Variants in PCLO observed in about 807,000 individuals in gnomAD.
The protein encoded by PCLO is piccolo presynaptic cytomatrix protein.
PCLO carries 82 observed loss-of-function variants against 427.5 expected under a neutral mutation model. The ratio of observed to expected loss-of-function variants is 0.19; its 90% CI spans 0.16 to 0.23. The LOEUF (loss-of-function observed/expected upper bound fraction) is 0.23. Ranked by LOEUF, PCLO falls within the 10% of genes least tolerant of loss-of-function variation. The probability of loss-of-function intolerance (pLI) is 1.00; values close to 1 mark genes in which losing one functional copy is unlikely to be tolerated. For missense variants in PCLO, 6,239 were observed against 6,115.9 expected (o/e 1.02, Z -0.67); for synonymous variants, 2,357 against 2,155.4 (o/e 1.09, Z -2.59).
chr7:82,902,586 AT>A (rs1297245769), intron 9 of PCLO, 64 bp downstream of exon 9: 2 of 890,424 alleles, frequency 2.2e-6, no homozygotes, highest in African/African-American at 1.7e-5. Flanking sequence ...TAATAAAAAA[AT>A]GCAAAACAAA....
At chr7:83,016,022 G>T (rs1788197693) in intron 3 of PCLO, among the ~76,000 whole-genome samples, 1 of 152,042 alleles carries the variant, frequency 6.6e-6, no homozygotes, top group Non-Finnish European at 1.5e-5. Context: ...TCAAGCACCA[G>T]CTCCTGAATT....
intron 3 of PCLO, among the ~76,000 whole-genome samples, chr7:83,044,604 C>T (rs1789060588): frequency 6.6e-6 from 1 of 151,968 alleles, no homozygotes; most frequent in South Asian, 2.1e-4. Context: ...TATGAACCTG[C>T]TATACCTAAT....
intron 22 of PCLO, among the ~76,000 whole-genome samples, chr7:82,773,808 A>C (rs1041569141): frequency 1.3e-5 from 2 of 151,898 alleles, no homozygotes; most frequent in African/African-American, 4.8e-5. Flanking sequence ...TATGAACTTC[A>C]TCACCTGGGT....
chr7:83,001,505 A>AACACCC (rs10643233), intron 3 of PCLO, among the ~76,000 whole-genome samples: 1,526 of 149,138 alleles, frequency 0.01, 32 homozygotes, highest in African/African-American at 0.034. Context: ...CACACATACA[A>AACACCC]ACACACACAC....
At chr7:82,996,719 A>C (rs536992423) in intron 3 of PCLO, among the ~76,000 whole-genome samples, 324 of 152,012 alleles carry the variant, frequency 2.1e-3, no homozygotes, top group South Asian at 2.1e-3. Context: ...CCCATCCTTC[A>C]AACAACAGGT....
At chr7:82,875,109 A>T (rs1793338270) in intron 10 of PCLO, among the ~76,000 whole-genome samples, 1 of 152,166 alleles carries the variant, frequency 6.6e-6, no homozygotes, top group East Asian at 1.9e-4. Context: ...TTGTGGTAGG[A>T]ATGTTTACTA....
At chr7:82,886,495 G>A (rs1323510400) in intron 9 of PCLO, among the ~76,000 whole-genome samples, 1 of 151,986 alleles carries the variant, frequency 6.6e-6, no homozygotes, top group Non-Finnish European at 1.5e-5. Flanking sequence ...ATTTTGGAGG[G>A]AGTTGAAAAT....
chr7:83,124,159 A>G (rs1305981335), intron 3 of PCLO, among the ~76,000 whole-genome samples: 1 of 151,472 alleles, frequency 6.6e-6, no homozygotes, highest in Non-Finnish European at 1.5e-5. Context: ...AAATACAAAA[A>G]AAAAAAAATT....
intron 2 of PCLO, among the ~76,000 whole-genome samples, chr7:83,146,215 A>C (rs540563287): frequency 1.3e-5 from 2 of 152,324 alleles, no homozygotes; most frequent in East Asian, 3.9e-4. Flanking sequence ...TCCTTATCAA[A>C]GGTAACAAGA....
intron 22 of PCLO, among the ~76,000 whole-genome samples, chr7:82,780,197 C>T (rs1299078778): frequency 6.6e-6 from 1 of 152,112 alleles, no homozygotes; most frequent in Non-Finnish European, 1.5e-5. Context: ...TCTTACTTGT[C>T]CATATATGGG....
At position 82,827,828 on chromosome 7, in the gene PCLO, C is replaced by T. The variant is rs17156728; in HGVS notation, c.14343+45G>A. On this transcript the variant is annotated intron_variant, in intron 17 of 24. Transcript: ENST00000333891. ...TTTGAATAATTGTGTTATCACTGTA[C>T]TTATATTAGCCTAATTCTGTCACCT... 4,464 of 1,065,732 alleles carry T rather than the reference C, an allele frequency of 4.2e-3. 136 individuals carry two copies. The African/African-American group carries it at 0.062, about 15-fold the overall frequency. The allele number at this position is 1,065,732 out of a possible 1,614,324, so 66.0% of individuals were successfully genotyped here. A position where few individuals can be genotyped will look rare whatever the true frequency, so the allele number is the denominator to read the frequency against.
At chr7:82,851,984 C>T (rs775484187) in intron 10 of PCLO, among the ~76,000 whole-genome samples, 19 of 151,116 alleles carry the variant, frequency 1.3e-4, no homozygotes, top group Non-Finnish European at 2.2e-4. Flanking sequence ...CAATTTTGAT[C>T]TATTTATATA....
intron 13 of PCLO, among the ~76,000 whole-genome samples, chr7:82,841,909 G>A (rs1218846360): frequency 6.6e-6 from 1 of 152,060 alleles, no homozygotes; most frequent in African/African-American, 2.4e-5. Flanking sequence ...GAGCACAGAA[G>A]GTAGAAAAGT....
At chr7:82,847,087 A>G (rs1792522950) in intron 11 of PCLO, 52 bp downstream of exon 11, 1 of 910,562 alleles carries the variant, frequency 1.1e-6, no homozygotes, top group Admixed American at 2.3e-5. Context: ...TTTAAATTAA[A>G]AGAGTCATGG....
chr7:82,961,137 T>C (rs1279511990), intron 4 of PCLO, among the ~76,000 whole-genome samples: 1 of 152,206 alleles, frequency 6.6e-6, no homozygotes, highest in Non-Finnish European at 1.5e-5. Context: ...TTAAGAGTAT[T>C]GTTTTGACTG....
At chr7:82,917,391 T>C (rs1584150540) in intron 6 of PCLO, among the ~76,000 whole-genome samples, 1 of 152,244 alleles carries the variant, frequency 6.6e-6, no homozygotes, top group East Asian at 1.9e-4. Flanking sequence ...TTTGGTTTTC[T>C]TTGACTTTAT....
In PCLO at chr7:83,086,142, C is replaced by T. The variant is rs146152847; in HGVS notation, c.3300+48108G>A. Among the ~76,000 whole-genome samples the T allele has an allele frequency of 2.5e-3, 356 of 144,376 alleles. 11 individuals carry two copies. In the East Asian group the frequency reaches 0.059, roughly 24 times the overall value. The allele number at this position is 144,376 out of a possible 152,430, so 94.7% of individuals were successfully genotyped here. ...CTTTTTTTTTTGAGACGGAGTCTTG[C>T]GCTGTCGCCCAGGCTGGAGTGCAAT... On this transcript the variant is annotated intron_variant, in intron 3 of 24. Coordinates refer to ENST00000333891, the MANE Select transcript of PCLO (RefSeq NM_033026.6).
chr7:82,915,437 T>A lies in PCLO; in HGVS notation c.12549A>T (p.Ile4183=), dbSNP rs1402773594. The change falls in exon 7 of 25, where the codon ATA becomes ATT. Residue 4183 remains isoleucine (I), a synonymous_variant. Transcript: ENST00000333891. ...KQAAKQLPAA[I]LYQKQSKHKK... is the part of the protein sequence containing the mutation. ...TATGCTTTGACTGCTTTTGATAAAGTATGGCTGCTGGCAGTTGTTTTGCTG... is the reference window on the plus strand; with the variant it reads ...TATGCTTTGACTGCTTTTGATAAAGAATGGCTGCTGGCAGTTGTTTTGCTG... 2.5e-6 allele frequency: 4 copies of A among 1,613,600 alleles called. No individual in the cohort carries two copies. The highest frequency in any genetic ancestry group is 3.3e-5 in the Admixed American group (2 of 59,970).
At chr7:82,982,867 T>TC (rs1426407661) in intron 3 of PCLO, among the ~76,000 whole-genome samples, 6 of 151,886 alleles carry the variant, frequency 4.0e-5, no homozygotes, top group African/African-American at 1.4e-4. Context: ...ACCTTTATGC[T>TC]CCCATAGTGA....
Sources: allele counts gnomAD v4.1 joint callset (sites outside exome capture counted in the v4.1 genomes callset), GRCh38; gene constraint gnomAD v4.1.1; transcripts MANE v1.5; gene names NCBI Gene and HGNC (gene_info 2026-07-23, HGNC 2026-07-21).